ENPP2: variants seen among roughly 807,000 people sequenced by gnomAD.
ENPP2 encodes the protein ectonucleotide pyrophosphatase/phosphodiesterase 2.
In ENPP2, 51 loss-of-function variants were observed where a neutral mutation model predicts 120.2. The ratio of observed to expected loss-of-function variants is 0.42; its 90% CI spans 0.34 to 0.54. ENPP2 has a LOEUF of 0.54. Among genes scored for constraint, ENPP2 ranks in the 20% least tolerant of loss-of-function variants. ENPP2 has a pLI of 0.04. For synonymous variants in ENPP2, 365 were observed against 366.4 expected, an observed-to-expected ratio of 1.00 and a Z score of 0.04; for missense variants, 920 against 1,066.5, an observed-to-expected ratio of 0.86 and a Z score of 1.91.
intron 2 of ENPP2, among the ~76,000 whole-genome samples, chr8:119,638,193 G>A (rs977760140): frequency 2.0e-5 from 3 of 152,100 alleles, no homozygotes; most frequent in African/African-American, 7.2e-5. Flanking sequence ...TTACAAATTT[G>A]AGTACAAAAA....
chr8:119,659,320 T>TAAAAAA (rs750701293), intron 1 of ENPP2, among the ~76,000 whole-genome samples: 1,501 of 64,824 alleles, frequency 0.023, 49 homozygotes, highest in African/African-American at 0.068. Context: ...CTGTCTCAAT[T>TAAAAAA]AAAAAAAAAA....
chr8:119,572,387 T>C, intron 19 of ENPP2: 4 of 681,080 alleles, frequency 5.9e-6, no homozygotes, highest in Middle Eastern at 2.7e-4. Context: ...GACAATAAAA[T>C]AGCAGCCATG....
intron 2 of ENPP2, among the ~76,000 whole-genome samples, chr8:119,628,201 G>A (rs1816417166): frequency 6.6e-6 from 1 of 152,022 alleles, no homozygotes; most frequent in Non-Finnish European, 1.5e-5. Flanking sequence ...TCAGTAAGTA[G>A]GGACTATAAA....
In ENPP2 at chr8:119,615,793, C is replaced by T. The variant is rs142836880; in HGVS notation, c.777+472G>A. Among the ~76,000 whole-genome samples the T allele has an allele frequency of 3.5e-3, 533 of 152,038 alleles. 6 individuals are homozygous for T. Among genetic ancestry groups the T allele is most frequent in the African/African-American group, 0.012 (487 of 41,492 alleles). ...TCATACACTTCTCTTTTTTATTATA[C>T]GCCTAAATCTGGGAAATCAATGAGA... On this transcript the variant is annotated intron_variant, in intron 8 of 24. Transcript: ENST00000075322.
chr8:119,638,478 A>C lies in ENPP2; in HGVS notation c.83T>G (p.Phe28Cys), dbSNP rs778578318. 5 of 1,611,204 alleles carry C rather than the reference A, an allele frequency of 3.1e-6. No homozygotes were observed. In the South Asian group the frequency reaches 5.5e-5, roughly 18 times the overall value. Residue 28 changes from phenylalanine (F) to cysteine (C), a missense_variant, in exon 2 of 25, where the codon TTC (phenylalanine) becomes TGC (cysteine). Transcript: ENST00000075322. ...FAVGVNICLG[F>C]TAHRIKRAEG... ...TGCTCTCTTAATTCGATGTGCAGTG[A>C]ATCCTAAGCAGATATTGACTCCAAC...
intron 1 of ENPP2, among the ~76,000 whole-genome samples, chr8:119,671,467 A>T (rs1818246674): frequency 6.6e-6 from 1 of 152,166 alleles, no homozygotes; most frequent in Non-Finnish European, 1.5e-5. Flanking sequence ...AGACACAGGT[A>T]TGTGTATGAA....
intron 1 of ENPP2, among the ~76,000 whole-genome samples, chr8:119,644,608 A>G (rs1408809245): frequency 4.0e-5 from 4 of 101,008 alleles, no homozygotes; most frequent in Non-Finnish European, 5.9e-5. Flanking sequence ...ATATATATAT[A>G]TATATATATA....
chr8:119,621,371 G>C, intron 4 of ENPP2, 23 bp downstream of exon 4: 1 of 1,610,712 alleles, frequency 6.2e-7, no homozygotes, highest in Non-Finnish European at 8.5e-7. Context: ...TTAAAGCTCA[G>C]GCCAATCCAA....
At position 119,557,488 on chromosome 8, in the gene ENPP2, G is replaced by A. The variant is rs1449250887; in HGVS notation, c.*33C>T. The A allele has an allele frequency of 6.6e-7, 1 of 1,521,028 alleles. No homozygotes were observed. The highest frequency in any genetic ancestry group is 1.2e-5 in the South Asian group (1 of 84,226). 94.2% of individuals were successfully genotyped at this position (1,521,028 alleles called of 1,614,324 possible). A position where few individuals can be genotyped will look rare whatever the true frequency, so the allele number is the denominator to read the frequency against. ...AAAACAATATAAAAATATACAACCA[G>A]TTGATAAGACTGTACTGCAGATGCT... On this transcript the variant is annotated 3_prime_UTR_variant, in exon 25 of 25. Transcript: ENST00000075322.
At chr8:119,574,428 G>A (rs1176329623) in intron 19 of ENPP2, among the ~76,000 whole-genome samples, 1 of 151,468 alleles carries the variant, frequency 6.6e-6, no homozygotes, top group African/African-American at 2.4e-5. Context: ...GAGAATGCCT[G>A]TCATGGAATT....
chr8:119,626,483 GTGGCCACTCCAGGA>G (rs1816283555), intron 3 of ENPP2, 68 bp downstream of exon 3: 1 of 1,078,412 alleles, frequency 9.3e-7, no homozygotes, highest in African/African-American at 1.8e-5. Context: ...CCAAAGCAGG[GTGGCCACTCCAGGA>G]TGCATACAAT....
At chr8:119,569,986 G>C (rs1639906441) in intron 20 of ENPP2, among the ~76,000 whole-genome samples, 2 of 151,982 alleles carry the variant, frequency 1.3e-5, no homozygotes, top group Non-Finnish European at 2.9e-5. Flanking sequence ...AAAAACAACA[G>C]GGCCAGGCGT....
At chr8:119,617,671 G>A (rs540530057) in intron 5 of ENPP2, 108 bp from the exon 6 acceptor site, 71 of 762,358 alleles carry the variant, frequency 9.3e-5, no homozygotes, top group Admixed American at 3.4e-4. Flanking sequence ...AAATTTCACC[G>A]GGCGTGATGG....
In ENPP2 at chr8:119,569,331, C is replaced by G; in HGVS notation, c.1957G>C (p.Val653Leu). Residue 653 changes from valine (V) to leucine (L), a missense_variant, in exon 21 of 25, where the codon GTC becomes CTC. Coordinates refer to ENST00000075322, the MANE Select transcript of ENPP2 (RefSeq NM_001040092.3). ...GGAGAAACACGGACATCAGGCCGGA[C>G]GCAACTGGTCAGATGGTCAGGAACG... ...SSVPDHLTSC[V>L]RPDVRVSPSF... The G allele has an allele frequency of 6.2e-7, 1 of 1,613,968 alleles. No homozygotes were observed.
In ENPP2 at chr8:119,600,686, C is replaced by A. The variant is rs371169598; in HGVS notation, c.964G>T (p.Gly322Cys). 1.2e-6 allele frequency: 2 copies of A among 1,609,004 alleles called. No individual in the cohort carries two copies. The highest frequency in any genetic ancestry group is 1.3e-5 in the African/African-American group (1 of 74,756). Residue 322 changes from glycine to cysteine, a missense_variant, in exon 11 of 25, where the codon GGC (glycine) becomes TGC (cysteine). Transcript: ENST00000075322. ...DFSGHKYGPF[G>C]PEMTNPLREI... ...GATGCTAAACCACTAACCTCAGGGC[C>A]GAAAGGGCCATATTTGTGTCCAGAG...
At chr8:119,576,175 G>A (rs1240481773) in intron 19 of ENPP2, among the ~76,000 whole-genome samples, 2 of 152,168 alleles carry the variant, frequency 1.3e-5, no homozygotes, top group Non-Finnish European at 2.9e-5. Context: ...TTTCACTCTT[G>A]TTGCCCAGGC....
chr8:119,613,098 A>T (rs1479627025), intron 8 of ENPP2, among the ~76,000 whole-genome samples: 1 of 152,096 alleles, frequency 6.6e-6, no homozygotes, highest in Non-Finnish European at 1.5e-5. Flanking sequence ...GAACAACCCC[A>T]TGGAAGTATC....
chr8:119,560,672 T>G (rs528198897), intron 24 of ENPP2, among the ~76,000 whole-genome samples: 2 of 152,192 alleles, frequency 1.3e-5, no homozygotes, highest in Admixed American at 1.3e-4. Context: ...AACATTTTCC[T>G]TGGGTACCTA....
At chr8:119,576,932 T>C (rs1296313040) in intron 19 of ENPP2, among the ~76,000 whole-genome samples, 1 of 152,226 alleles carries the variant, frequency 6.6e-6, no homozygotes, top group African/African-American at 2.4e-5. Context: ...TAGTAAAGGA[T>C]TTGATTCCAT....
Sources: gnomAD v4.1 joint callset for allele counts (sites outside exome capture counted in the v4.1 genomes callset) on GRCh38, gnomAD v4.1.1 for gene constraint, MANE v1.5 for transcripts, NCBI Gene and HGNC (gene_info 2026-07-23, HGNC 2026-07-21) for gene names.